MAMDC2: variants seen among roughly 807,000 people sequenced by gnomAD.
MAMDC2 encodes the protein MAM domain containing 2, also known as MAM domain-containing protein 2.
MAMDC2 carries 57 observed loss-of-function variants against 89.8 expected under a neutral mutation model. The ratio of observed to expected loss-of-function variants is 0.63; its 90% CI spans 0.51 to 0.79. The LOEUF (loss-of-function observed/expected upper bound fraction) is 0.79. MAMDC2 is among the 30% of genes least tolerant of loss of function. MAMDC2 has a pLI of 0.00. For missense variants in MAMDC2, 800 were observed against 820.6 expected (o/e 0.97, Z 0.31); for synonymous variants, 313 against 293.4 (o/e 1.07, Z -0.68).
chr9:70,114,287 G>T (rs940910841), intron 5 of MAMDC2, among the ~76,000 whole-genome samples: 1 of 146,810 alleles, frequency 6.8e-6, no homozygotes, highest in African/African-American at 2.5e-5. Flanking sequence ...AAACTAGATG[G>T]CAGAGACCCT....
intron 9 of MAMDC2, among the ~76,000 whole-genome samples, chr9:70,158,745 A>C (rs1434122131): frequency 6.6e-6 from 1 of 152,094 alleles, no homozygotes; most frequent in Non-Finnish European, 1.5e-5. Flanking sequence ...ATATCATAGA[A>C]TATTTATACA....
chr9:70,127,706 C>T (rs2030621036), intron 6 of MAMDC2, among the ~76,000 whole-genome samples: 1 of 151,518 alleles, frequency 6.6e-6, no homozygotes. Flanking sequence ...AAAAAACACT[C>T]TAGAGAGAGC....
In MAMDC2 at chr9:70,053,072, G is replaced by A. The variant is rs533389048; in HGVS notation, c.148+8375G>A. 9.5e-4 allele frequency among the ~76,000 whole-genome samples: 145 copies of A among 152,278 alleles called. 2 individuals carry two copies. Among genetic ancestry groups the A allele is most frequent in the Admixed American group, 2.2e-3 (33 of 15,284 alleles). Reference sequence around the variant, plus strand: ...AGACTTTGAACTAGCTATGGAGAGCGGGTGTTTCTGAGGTACTCAGGTGTG... The same window carrying A: ...AGACTTTGAACTAGCTATGGAGAGCAGGTGTTTCTGAGGTACTCAGGTGTG... On this transcript the variant is annotated intron_variant, in intron 2 of 13. Transcript: ENST00000377182.
At chr9:70,050,605 T>TTTA (rs1325149760) in intron 2 of MAMDC2, among the ~76,000 whole-genome samples, 4 of 152,248 alleles carry the variant, frequency 2.6e-5, no homozygotes, top group Non-Finnish European at 2.9e-5. Flanking sequence ...GAGTGAGCAC[T>TTTA]TTATACATGT....
chr9:70,065,470 C>T (rs556257956), intron 2 of MAMDC2, among the ~76,000 whole-genome samples: 1 of 151,802 alleles, frequency 6.6e-6, no homozygotes, highest in Non-Finnish European at 1.5e-5. Flanking sequence ...ATGCCTAAAG[C>T]ACATTTCTAT....
At chr9:70,136,324 T>A (rs2031008852) in intron 7 of MAMDC2, among the ~76,000 whole-genome samples, 1 of 152,186 alleles carries the variant, frequency 6.6e-6, no homozygotes, top group Non-Finnish European at 1.5e-5. Context: ...TCCTGCACTT[T>A]GTAATATGTA....
At chr9:70,206,194 A>G (rs930132566) in intron 11 of MAMDC2, among the ~76,000 whole-genome samples, 1 of 152,196 alleles carries the variant, frequency 6.6e-6, no homozygotes, top group Non-Finnish European at 1.5e-5. Context: ...CTCTCAGTCA[A>G]TGGCAGTCTG....
At chr9:70,216,846 T>C (rs186869440) in intron 11 of MAMDC2, among the ~76,000 whole-genome samples, 9 of 152,352 alleles carry the variant, frequency 5.9e-5, no homozygotes. Context: ...TTCAGTGACA[T>C]GATAGTGATT....
Position 70,190,531 on chromosome 9 carries a change from C to G in MAMDC2, c.1651+19900C>G, listed in dbSNP as rs1295029919. Among the ~76,000 whole-genome samples, 8 of 150,728 alleles carry G rather than the reference C, an allele frequency of 5.3e-5. No individual in the cohort carries two copies. The Admixed American group carries it at 5.3e-4, about 10-fold the overall frequency. ...GCTCATGAAGAGCCTAAAGGTCAGC[C>G]AGAGGTGACAGATTAGGAGTTTCTC... On this transcript the variant is annotated intron_variant, in intron 11 of 13. Coordinates refer to ENST00000377182, the MANE Select transcript of MAMDC2 (RefSeq NM_153267.5).
chr9:70,170,262 T>TA (rs1438291628), intron 10 of MAMDC2: 2 of 427,354 alleles, frequency 4.7e-6, no homozygotes, highest in Non-Finnish European at 8.2e-6. Context: ...TTTAGATCTG[T>TA]ATATCTGATT....
At chr9:70,052,386 T>C (rs190348442) in intron 2 of MAMDC2, among the ~76,000 whole-genome samples, 1 of 152,372 alleles carries the variant, frequency 6.6e-6, no homozygotes, top group East Asian at 1.9e-4. Flanking sequence ...CTTCTTGTTT[T>C]ATTTGCAAAG....
intron 11 of MAMDC2, among the ~76,000 whole-genome samples, chr9:70,182,619 C>T (rs565566537): frequency 4.6e-4 from 70 of 152,268 alleles, no homozygotes; most frequent in African/African-American, 1.7e-3. Flanking sequence ...TCCATTTCTT[C>T]TAGATTTTCT....
intron 5 of MAMDC2, among the ~76,000 whole-genome samples, chr9:70,125,038 T>C (rs2030465993): frequency 6.6e-6 from 1 of 152,224 alleles, no homozygotes; most frequent in Non-Finnish European, 1.5e-5. Flanking sequence ...AGAAATTATG[T>C]CATGGAAATG....
chr9:70,164,582 A>G (rs1168527449), intron 9 of MAMDC2, among the ~76,000 whole-genome samples: 1 of 152,170 alleles, frequency 6.6e-6, no homozygotes, highest in East Asian at 1.9e-4. Flanking sequence ...ATTTGCATAA[A>G]ATCAGGAATA....
chr9:70,212,381 C>A (rs7857214), intron 11 of MAMDC2, among the ~76,000 whole-genome samples: 1 of 151,688 alleles, frequency 6.6e-6, no homozygotes. Context: ...CTCAGACTGC[C>A]GTGTTAGCAG....
chr9:70,167,897 G>C (rs761486174), intron 9 of MAMDC2, among the ~76,000 whole-genome samples: 18 of 152,182 alleles, frequency 1.2e-4, no homozygotes, highest in Admixed American at 3.3e-4. Flanking sequence ...TGGAACATAA[G>C]CCTCCAGATG....
intron 11 of MAMDC2, among the ~76,000 whole-genome samples, chr9:70,206,275 TA>T (rs2033222018): frequency 6.6e-6 from 1 of 152,214 alleles, no homozygotes; most frequent in African/African-American, 2.4e-5. Context: ...AGTATTGTTA[TA>T]ATTGTTCTAT....
chr9:70,215,909 T>C (rs1197232878), intron 11 of MAMDC2, among the ~76,000 whole-genome samples: 15 of 152,134 alleles, frequency 9.9e-5, no homozygotes. Flanking sequence ...ATAGAACTTC[T>C]CAGATTTGTG....
intron 2 of MAMDC2, among the ~76,000 whole-genome samples, chr9:70,078,635 G>A (rs1827588949): frequency 6.6e-6 from 1 of 152,124 alleles, no homozygotes; most frequent in Non-Finnish European, 1.5e-5. Flanking sequence ...AGCATGATTA[G>A]GTTAATTTAT....
Sources: gnomAD v4.1 joint callset for allele counts (sites outside exome capture counted in the v4.1 genomes callset) on GRCh38, gnomAD v4.1.1 for gene constraint, MANE v1.5 for transcripts, NCBI Gene and HGNC (gene_info 2026-07-23, HGNC 2026-07-21) for gene names.